Variants in PLA2G2C observed in about 807,000 individuals in gnomAD.
PLA2G2C encodes phospholipase A2 group IIC, also known as putative inactive group IIC secretory phospholipase A2.
Under a neutral mutation model 14.3 loss-of-function variants are expected in PLA2G2C, and 15 were observed. That is an observed-to-expected ratio of 1.05 (90% CI 0.70 to 1.62). The LOEUF (loss-of-function observed/expected upper bound fraction) is 1.62, where lower values mean the gene tolerates loss of function less well. PLA2G2C is among the 40% of genes most tolerant of loss of function. PLA2G2C has a pLI of 0.00. For synonymous variants in PLA2G2C, 79 were observed against 67.7 expected, an observed-to-expected ratio of 1.17 and a Z score of -0.82; for missense variants, 162 against 173.2, an observed-to-expected ratio of 0.94 and a Z score of 0.36.
At position 20,163,989 on chromosome 1, in the gene PLA2G2C, C is replaced by T. The variant is rs773678398; in HGVS notation, c.*2G>A. 7.4e-6 allele frequency: 12 copies of T among 1,611,502 alleles called. No individual in the cohort carries two copies. The highest frequency in any genetic ancestry group is 1.0e-5 in the Non-Finnish European group (12 of 1,178,842). ...GATGATGAGAGGGACCCTGTGGTGT[C>T]CCTAGCACCAGGGCTTATGTCTGCC... is the stretch of plus-strand genomic sequence containing the variant. On this transcript the variant is annotated 3_prime_UTR_variant, in exon 5 of 5. Coordinates refer to ENST00000679259, the MANE Select transcript of PLA2G2C (RefSeq NM_001367969.2).
chr1:20,173,770 C>G (rs1045655202), intron 3 of PLA2G2C, among the ~76,000 whole-genome samples: 3 of 152,234 alleles, frequency 2.0e-5, no homozygotes, highest in Admixed American at 1.3e-4. Context: ...ATTCTAAGGC[C>G]TGAAAGGCCA....
intron 1 of PLA2G2C, chr1:20,184,591 A>ATCT (rs2018334508): frequency 6.6e-6 from 1 of 152,260 alleles, no homozygotes; most frequent in Non-Finnish European, 1.5e-5. Flanking sequence ...CACTGACATG[A>ATCT]TCTTCTTTCA....
chr1:20,173,618 G>A (rs942848114), intron 3 of PLA2G2C, among the ~76,000 whole-genome samples: 3 of 152,216 alleles, frequency 2.0e-5, no homozygotes, highest in African/African-American at 4.8e-5. Flanking sequence ...TGTAAAAGCC[G>A]ACGTAGTCCC....
chr1:20,164,718 G>A (rs910177123), intron 4 of PLA2G2C, among the ~76,000 whole-genome samples: 8 of 152,214 alleles, frequency 5.3e-5, no homozygotes, highest in African/African-American at 1.9e-4. Context: ...TGATATCCTA[G>A]TGCTCCCTCT....
At chr1:20,174,566 G>A (rs779071746) in intron 3 of PLA2G2C, among the ~76,000 whole-genome samples, 2 of 152,220 alleles carry the variant, frequency 1.3e-5, no homozygotes, top group Non-Finnish European at 2.9e-5. Context: ...TGAAAGCACA[G>A]CACTTTTACT....
chr1:20,165,828 C>T (rs548159028), intron 4 of PLA2G2C, among the ~76,000 whole-genome samples: 53 of 152,012 alleles, frequency 3.5e-4, no homozygotes, highest in African/African-American at 6.5e-4. Flanking sequence ...TGTGTGTGCG[C>T]GCGCGCATGT....
intron 4 of PLA2G2C, among the ~76,000 whole-genome samples, chr1:20,171,602 G>A (rs1287719127): frequency 6.6e-6 from 1 of 152,132 alleles, no homozygotes; most frequent in Non-Finnish European, 1.5e-5. Context: ...GGGATGAGTG[G>A]CAGAGAGGTG....
intron 4 of PLA2G2C, among the ~76,000 whole-genome samples, chr1:20,171,751 A>ACTT (rs891321319): frequency 2.7e-5 from 4 of 145,522 alleles, no homozygotes; most frequent in African/African-American, 7.6e-5. Flanking sequence ...ATAAGAAGCC[A>ACTT]CTTCTTCTTT....
chr1:20,163,678 C>A lies in PLA2G2C; in HGVS notation c.*313G>T. On this transcript the variant is annotated 3_prime_UTR_variant, in exon 5 of 5. Coordinates refer to ENST00000679259, the MANE Select transcript of PLA2G2C (RefSeq NM_001367969.2). ...ATCCCGTCCCTTTGTTTTACTGCAT[C>A]ATAGCACTTACTACAGTCTAATGTG... 3.9e-6 allele frequency: 1 copy of A among 255,372 alleles called. No individual in the cohort carries two copies. Among genetic ancestry groups the A allele is most frequent in the African/African-American group, 2.2e-5 (1 of 44,518 alleles). The allele number at this position is 255,372 out of a possible 1,614,324, so 15.8% of individuals were successfully genotyped here. A position where few individuals can be genotyped will look rare whatever the true frequency, so the allele number is the denominator to read the frequency against.
intron 4 of PLA2G2C, among the ~76,000 whole-genome samples, chr1:20,167,643 G>A (rs1249235019): frequency 6.6e-6 from 1 of 152,110 alleles, no homozygotes; most frequent in Non-Finnish European, 1.5e-5. Flanking sequence ...CTGCACTGTA[G>A]CCAGAGTGAT....
At chr1:20,182,992 CCAT>C (rs143840266) in intron 1 of PLA2G2C, among the ~76,000 whole-genome samples, 4,449 of 152,270 alleles carry the variant, frequency 0.029, 211 homozygotes, top group African/African-American at 0.1. Flanking sequence ...ATCAGCACCA[CCAT>C]CATCATTGCC....
At chr1:20,184,197 GCA>G (rs5772887) in intron 1 of PLA2G2C, 3,362 of 149,570 alleles carry the variant, frequency 0.022, 34 homozygotes, top group Admixed American at 0.035. Context: ...GTGCGCACAC[GCA>G]CACACACACA....
chr1:20,173,175 G>C (rs2301476), intron 3 of PLA2G2C, among the ~76,000 whole-genome samples: 8 of 150,828 alleles, frequency 5.3e-5, no homozygotes, highest in African/African-American at 1.7e-4. Flanking sequence ...AAAAAGCCAG[G>C]CATGGTGGCA....
rs563822624 is a variant in PLA2G2C at position 20,177,241 on chromosome 1, G to T, written c.40+83C>A. 250 of 699,430 alleles carry T rather than the reference G, an allele frequency of 3.6e-4. 4 individuals carry two copies. The South Asian group carries it at 3.6e-3, about 10-fold the overall frequency. The allele number at this position is 699,430 out of a possible 1,614,324, so 43.3% of individuals were successfully genotyped here. A position where few individuals can be genotyped will look rare whatever the true frequency, so the allele number is the denominator to read the frequency against. The stretch of plus-strand genomic sequence containing the variant: ...CGGGACTTGTGACTTCCCTCACCTG[G>T]TGCCACCTGGAGAGTCCCCCCTCCC... On this transcript the variant is annotated intron_variant, in intron 2 of 4. Coordinates refer to ENST00000679259, the MANE Select transcript of PLA2G2C (RefSeq NM_001367969.2).
chr1:20,164,334 G>A (rs2017937017), intron 4 of PLA2G2C, among the ~76,000 whole-genome samples, 177 bp from the exon 5 acceptor site: 1 of 152,168 alleles, frequency 6.6e-6, no homozygotes, highest in Admixed American at 6.5e-5. Flanking sequence ...ATATGCATTT[G>A]TGTGCGTGCA....
chr1:20,183,821 C>T (rs763597480), intron 1 of PLA2G2C, among the ~76,000 whole-genome samples: 1 of 152,198 alleles, frequency 6.6e-6, no homozygotes, highest in Non-Finnish European at 1.5e-5. Context: ...AAGCTGGCTG[C>T]AGCCCAGGGA....
At chr1:20,167,429 G>A (rs1454935634) in intron 4 of PLA2G2C, among the ~76,000 whole-genome samples, 1 of 152,162 alleles carries the variant, frequency 6.6e-6, no homozygotes, top group Non-Finnish European at 1.5e-5. Flanking sequence ...GGAGCCTGGG[G>A]TGCAGCCTCT....
chr1:20,173,111 C>T (rs1037378022), intron 3 of PLA2G2C, among the ~76,000 whole-genome samples: 1 of 151,390 alleles, frequency 6.6e-6, no homozygotes, highest in South Asian at 2.1e-4. Flanking sequence ...GAGTTTGAGA[C>T]CAGCCTGGGC....
intron 3 of PLA2G2C, among the ~76,000 whole-genome samples, chr1:20,173,317 C>CA (rs1557787287): frequency 2.0e-5 from 3 of 151,874 alleles, no homozygotes; most frequent in South Asian, 2.1e-4. Flanking sequence ...CCCCGTCTCC[C>CA]AAAAAATAAA....
Sources: gnomAD v4.1 joint callset for allele counts (sites outside exome capture counted in the v4.1 genomes callset) on GRCh38, gnomAD v4.1.1 for gene constraint, MANE v1.5 for transcripts, NCBI Gene and HGNC (gene_info 2026-07-23, HGNC 2026-07-21) for gene names.